SEPSECS: variants seen among roughly 807,000 people sequenced by gnomAD.
The protein encoded by SEPSECS is Sep (O-phosphoserine) tRNA:Sec (selenocysteine) tRNA synthase.
SEPSECS carries 42 observed loss-of-function variants against 52.1 expected under a neutral mutation model. The observed-to-expected ratio is 0.81, with a 90% CI of 0.63 to 1.04. SEPSECS has a LOEUF of 1.04. SEPSECS is among the 50% of genes least tolerant of loss of function. SEPSECS has a pLI of 0.00. For synonymous variants in SEPSECS, 216 were observed against 211.4 expected (o/e 1.02, Z -0.19); for missense variants, 590 against 610.6 (o/e 0.97, Z 0.36).
intron 8 of SEPSECS, among the ~76,000 whole-genome samples, chr4:25,140,321 T>C (rs1466636767): frequency 6.6e-6 from 1 of 152,260 alleles, no homozygotes; most frequent in Non-Finnish European, 1.5e-5. Flanking sequence ...CTGAGTTTTT[T>C]TGGCCAGAGT....
chr4:25,135,094 C>T (rs1728783275), intron 8 of SEPSECS, among the ~76,000 whole-genome samples: 1 of 152,008 alleles, frequency 6.6e-6, no homozygotes. Context: ...ACTAAATGCT[C>T]ACATCAAAAA....
intron 1 of SEPSECS, 200 bp downstream of exon 1, chr4:25,160,056 C>T (rs1174418846): frequency 1.0e-6 from 1 of 985,334 alleles, no homozygotes; most frequent in African/African-American, 1.7e-5. Context: ...CCTAACAACA[C>T]CATTTGGCTT....
chr4:25,151,279 A>G (rs1014195982), intron 6 of SEPSECS, among the ~76,000 whole-genome samples: 1 of 152,226 alleles, frequency 6.6e-6, no homozygotes, highest in Non-Finnish European at 1.5e-5. Context: ...AAGTGGGATG[A>G]GCAAGAGCAA....
rs910702708 is a variant in SEPSECS, at chr4:25,159,041, T to C, written c.181A>G (p.Met61Val). 5.6e-6 allele frequency: 9 copies of C among 1,613,518 alleles called. No individual in the cohort carries two copies. Among genetic ancestry groups the C allele is most frequent in the South Asian group, 1.1e-5 (1 of 91,074 alleles). Residue 61 changes from methionine (M) to valine (V), a missense_variant, in exon 2 of 11, where the codon ATG becomes GTG. Physicochemically the swap from Met to Val is conservative, Grantham distance 21. Coordinates refer to ENST00000382103, the MANE Select transcript of SEPSECS (RefSeq NM_016955.4). ...LELFLHELAI[M>V]DSNNFLGNCG... ...TTGCCTAAGAAATTGTTGCTGTCCATGATTGCAAGTTCATGTAAAAAGAGT... is the reference window on the plus strand; with the variant it reads ...TTGCCTAAGAAATTGTTGCTGTCCACGATTGCAAGTTCATGTAAAAAGAGT...
chr4:25,147,267 A>G (rs950514261), intron 6 of SEPSECS, among the ~76,000 whole-genome samples: 2 of 152,216 alleles, frequency 1.3e-5, no homozygotes, highest in East Asian at 3.8e-4. Context: ...CATTTATCCA[A>G]GACTTGTCAT....
chr4:25,143,232 G>T (rs564404238), intron 8 of SEPSECS, among the ~76,000 whole-genome samples: 1 of 152,052 alleles, frequency 6.6e-6, no homozygotes, highest in Non-Finnish European at 1.5e-5. Context: ...AGTAAAATTC[G>T]GGATGTCTGT....
intron 6 of SEPSECS, among the ~76,000 whole-genome samples, chr4:25,145,953 T>C (rs182833145): frequency 8.3e-4 from 126 of 152,328 alleles, no homozygotes; most frequent in Non-Finnish European, 1.7e-3. Flanking sequence ...CCTAATATTA[T>C]AAACTTAGAT....
chr4:25,160,505 A>AAACAG, upstream of SEPSECS: 1 of 664,442 alleles, frequency 1.5e-6, no homozygotes, highest in Non-Finnish European at 2.6e-6. Flanking sequence ...AAACAAAACA[A>AAACAG]AACAAAAAAA....
intron 2 of SEPSECS, among the ~76,000 whole-genome samples, chr4:25,157,536 T>C (rs1219037306): frequency 6.6e-6 from 1 of 150,970 alleles, no homozygotes. Flanking sequence ...AATATTAAAT[T>C]ATCTTTTTTT....
In SEPSECS at chr4:25,125,727, G is replaced by A. The variant is rs991789621; in HGVS notation, c.1178C>T (p.Ser393Leu). Residue 393 changes from serine (S) to leucine (L), a missense_variant, in exon 10 of 11, where the codon TCG becomes TTG. By Grantham distance (145) the Ser-to-Leu change is moderately radical. Coordinates refer to ENST00000382103, the MANE Select transcript of SEPSECS (RefSeq NM_016955.4). ...HRDKAVTQLG[S>L]MLFTRQVSGA... The stretch of plus-strand genomic sequence containing the variant: ...AGAAACCTGTCTGGTAAAAAGCATC[G>A]AGCCAAGCTGAGTGACAGCTTTGTC... 1.9e-6 allele frequency: 3 copies of A among 1,612,848 alleles called. No individual in the cohort carries two copies. The highest frequency in any genetic ancestry group is 2.5e-6 in the Non-Finnish European group (3 of 1,179,326).
chr4:25,127,169 A>G (rs1194016741), intron 9 of SEPSECS, 95 bp downstream of exon 9: 7 of 757,278 alleles, frequency 9.2e-6, no homozygotes, highest in Admixed American at 2.4e-5. Flanking sequence ...AAATATCATT[A>G]TAACTAGAAA....
chr4:25,159,867 C>T, intron 1 of SEPSECS: 1 of 1,090,900 alleles, frequency 9.2e-7, no homozygotes. Context: ...GCTCGTGGTT[C>T]GAGTTAGCAT....
rs1459660988 is a variant in SEPSECS, at chr4:25,160,134, A to G, written c.114+122T>C. On this transcript the variant is annotated intron_variant, in intron 1 of 10. Transcript: ENST00000382103. ...GTCAGCTAGGGCAAGCCAAGCTGAG[A>G]CAGACTTGGGACTAGTCTCAAGCAG... 4 of 1,488,318 alleles carry G rather than the reference A, an allele frequency of 2.7e-6. No homozygotes were observed. In the East Asian group the frequency reaches 1.0e-4, roughly 37 times the overall value. The allele number at this position is 1,488,318 out of a possible 1,614,324, so 92.2% of individuals were successfully genotyped here. A position where few individuals can be genotyped will look rare whatever the true frequency, so the allele number is the denominator to read the frequency against.
chr4:25,129,114 AC>A (rs1447675003), intron 8 of SEPSECS, among the ~76,000 whole-genome samples: 1 of 152,226 alleles, frequency 6.6e-6, no homozygotes, highest in Non-Finnish European at 1.5e-5. Context: ...TGTTGGAATT[AC>A]AAAAATCTTA....
intron 6 of SEPSECS, among the ~76,000 whole-genome samples, chr4:25,148,738 G>C (rs1207516340): frequency 1.3e-5 from 2 of 152,096 alleles, no homozygotes; most frequent in Non-Finnish European, 2.9e-5. Flanking sequence ...AACACAAAAA[G>C]ATATAATAAA....
rs1728120514 is a variant in SEPSECS at position 25,121,438 on chromosome 4, G to A, written c.*2493C>T. On this transcript the variant is annotated 3_prime_UTR_variant, in exon 11 of 11. Coordinates refer to ENST00000382103, the MANE Select transcript of SEPSECS (RefSeq NM_016955.4). ...CAAAAAGATAGAAGAGGTTATCTTC[G>A]GCAATGATTGGTAATGTATCATCCA... 6.6e-6 allele frequency: 1 copy of A among 152,074 alleles called. No individual in the cohort carries two copies. The highest frequency in any genetic ancestry group is 1.5e-5 in the Non-Finnish European group (1 of 67,984). 9.4% of individuals were successfully genotyped at this position (152,074 alleles called of 1,614,324 possible).
chr4:25,151,337 G>A (rs1295726570), intron 6 of SEPSECS, among the ~76,000 whole-genome samples: 1 of 152,172 alleles, frequency 6.6e-6, no homozygotes, highest in Non-Finnish European at 1.5e-5. Context: ...AAGTAAGGCA[G>A]CAAGGGTGGT....
chr4:25,149,153 G>C (rs142270754), intron 6 of SEPSECS, among the ~76,000 whole-genome samples: 1 of 152,212 alleles, frequency 6.6e-6, no homozygotes, highest in African/African-American at 2.4e-5. Context: ...CGCCTCCTGG[G>C]TTCATGCCAT....
intron 9 of SEPSECS, 104 bp downstream of exon 9, chr4:25,127,160 A>T (rs58890841): frequency 6.9e-6 from 5 of 724,902 alleles, no homozygotes; most frequent in East Asian, 2.7e-5. Context: ...TGAATTTATA[A>T]ATATCATTAT....
Sources: gnomAD v4.1 joint callset for allele counts (sites outside exome capture counted in the v4.1 genomes callset) on GRCh38, gnomAD v4.1.1 for gene constraint, MANE v1.5 for transcripts, NCBI Gene and HGNC (gene_info 2026-07-23, HGNC 2026-07-21) for gene names.